PCDHA4: variants seen among roughly 807,000 people sequenced by gnomAD.
PCDHA4 encodes protocadherin alpha-4.
PCDHA4 carries 49 observed loss-of-function variants against 61.4 expected under a neutral mutation model. That is an observed-to-expected ratio of 0.80 (90% CI 0.63 to 1.01). PCDHA4 has a LOEUF of 1.01. PCDHA4 is among the 50% of genes least tolerant of loss of function. The pLI, the probability that PCDHA4 is intolerant of heterozygous loss-of-function variation, is 0.00. For missense variants in PCDHA4, 1,254 were observed against 1,235.8 expected, an observed-to-expected ratio of 1.01 and a Z score of -0.22; for synonymous variants, 590 against 550.3, an observed-to-expected ratio of 1.07 and a Z score of -1.01.
At chr5:140,964,941 G>A (rs1223587543) in intron 1 of PCDHA4, among the ~76,000 whole-genome samples, 1 of 152,242 alleles carries the variant, frequency 6.6e-6, no homozygotes, top group African/African-American at 2.4e-5. Context: ...AGCATTGATA[G>A]TGAGTGTGCT....
chr5:140,873,928 T>C (rs944678136), intron 1 of PCDHA4, among the ~76,000 whole-genome samples: 1 of 152,216 alleles, frequency 6.6e-6, no homozygotes, highest in Non-Finnish European at 1.5e-5. Flanking sequence ...CCCAAAGTGC[T>C]GGGATTACAG....
intron 1 of PCDHA4, chr5:140,829,536 C>G: frequency 6.2e-7 from 1 of 1,613,152 alleles, no homozygotes; most frequent in Non-Finnish European, 8.5e-7. Context: ...GCGCGAGACG[C>G]GGACGCGCAG....
chr5:140,809,252 C>A lies in PCDHA4; in HGVS notation c.2065C>A (p.Pro689Thr), dbSNP rs1314068849. ...SSRALVGAVGPDAALVDVNVY... is the reference protein window; with the variant it reads ...SSRALVGAVGTDAALVDVNVY... ...ACGGGCGTTGGTGGGCGCTGTGGGT[C>A]CCGATGCTGCGCTGGTGGATGTCAA... Residue 689 changes from proline to threonine, a missense_variant, in exon 1 of 4, where the codon CCC (proline) becomes ACC (threonine). Physicochemically the swap from Pro to Thr is conservative, Grantham distance 38. Transcript: ENST00000530339. The A allele has an allele frequency of 1.2e-6, 2 of 1,614,082 alleles. No individual in the cohort carries two copies. The highest frequency in any genetic ancestry group is 1.3e-5 in the African/African-American group (1 of 75,062).
chr5:140,962,389 G>A (rs551530521), intron 1 of PCDHA4, among the ~76,000 whole-genome samples: 3 of 152,170 alleles, frequency 2.0e-5, no homozygotes, highest in African/African-American at 4.8e-5. Context: ...TTAATATTAC[G>A]CAATCTGCCC....
chr5:140,816,987 C>G (rs1766040659), intron 1 of PCDHA4: 2 of 152,022 alleles, frequency 1.3e-5, no homozygotes, highest in Non-Finnish European at 2.9e-5. Context: ...AATTCAGGAA[C>G]TTTGGATGCA....
At chr5:140,976,818 G>A (rs782290955) in intron 1 of PCDHA4, among the ~76,000 whole-genome samples, 5 of 152,208 alleles carry the variant, frequency 3.3e-5, no homozygotes, top group Admixed American at 6.5e-5. Flanking sequence ...ATATGCATGT[G>A]TCTAATGAGC....
chr5:140,870,527 C>T, intron 1 of PCDHA4: 1 of 1,614,236 alleles, frequency 6.2e-7, no homozygotes, highest in Non-Finnish European at 8.5e-7. Context: ...CACATCTTCA[C>T]AGTGTCGGCG....
At chr5:140,849,983 G>A (rs1554143561) in intron 1 of PCDHA4, 6 of 1,597,534 alleles carry the variant, frequency 3.8e-6, no homozygotes, top group Admixed American at 1.7e-5. Context: ...CGCTGGTGGA[G>A]CGGCGGTTGG....
At chr5:140,857,310 A>T in intron 1 of PCDHA4, 1 of 1,598,608 alleles carries the variant, frequency 6.3e-7, no homozygotes, top group Non-Finnish European at 8.6e-7. Flanking sequence ...TCGGCCTATG[A>T]GCTGGTGGTG....
chr5:140,852,579 TTTA>T, intron 1 of PCDHA4: 2 of 849,052 alleles, frequency 2.4e-6, no homozygotes, highest in African/African-American at 1.9e-5. Flanking sequence ...CCAAGGCTTT[TTTA>T]TTTTTTTTTT....
At chr5:140,977,730 T>C (rs1478978176) in intron 1 of PCDHA4, among the ~76,000 whole-genome samples, 1 of 152,226 alleles carries the variant, frequency 6.6e-6, no homozygotes, top group Non-Finnish European at 1.5e-5. Flanking sequence ...ATTTCTCTCC[T>C]GGGTGTTATG....
At chr5:140,959,544 T>C (rs2095494180) in intron 1 of PCDHA4, among the ~76,000 whole-genome samples, 1 of 152,208 alleles carries the variant, frequency 6.6e-6, no homozygotes, top group Non-Finnish European at 1.5e-5. Context: ...AGAGATGCTG[T>C]ATAAATAGAA....
chr5:140,960,417 A>G (rs1340642372), intron 1 of PCDHA4, among the ~76,000 whole-genome samples: 10 of 152,218 alleles, frequency 6.6e-5, no homozygotes, highest in African/African-American at 1.9e-4. Flanking sequence ...CAAAAAGTCA[A>G]CAATTACTTG....
At chr5:140,872,497 C>T (rs1554166232) in intron 1 of PCDHA4, among the ~76,000 whole-genome samples, 1 of 152,150 alleles carries the variant, frequency 6.6e-6, no homozygotes, top group Non-Finnish European at 1.5e-5. Flanking sequence ...CCTAGTGGTG[C>T]ATGCCTGTAG....
intron 1 of PCDHA4, among the ~76,000 whole-genome samples, chr5:140,879,278 T>C (rs2057927174): frequency 6.6e-6 from 1 of 152,180 alleles, no homozygotes; most frequent in Non-Finnish European, 1.5e-5. Flanking sequence ...ACAGACTCAA[T>C]ACAAATGATA....
rs200693140 is a variant in PCDHA4, at chr5:140,850,298, G to A, written c.2385+40726G>A. 1.0e-5 allele frequency: 16 copies of A among 1,596,354 alleles called. 2 individuals are homozygous for A. The South Asian group carries it at 1.3e-4, about 13-fold the overall frequency. On this transcript the variant is annotated intron_variant, in intron 1 of 3. Coordinates refer to ENST00000530339, the MANE Select transcript of PCDHA4 (RefSeq NM_018907.4). Reference sequence around the variant, plus strand: ...AGGTGCGCGCAGTGGACGCCGACTCGGGCTACAACGCGTGGCTTTCATACG... The same window carrying A: ...AGGTGCGCGCAGTGGACGCCGACTCAGGCTACAACGCGTGGCTTTCATACG...
intron 1 of PCDHA4, among the ~76,000 whole-genome samples, chr5:140,954,247 A>T (rs782077145): frequency 2.6e-5 from 4 of 152,196 alleles, no homozygotes; most frequent in Non-Finnish European, 4.4e-5. Context: ...ATGAACATAC[A>T]CATGCAGGTA....
At chr5:140,978,913 T>C in intron 1 of PCDHA4, 36 bp from the exon 2 acceptor site, 1 of 1,613,902 alleles carries the variant, frequency 6.2e-7, no homozygotes, top group Non-Finnish European at 8.5e-7. Flanking sequence ...CATTGTCTTG[T>C]CATTTTAACA....
At chr5:140,871,653 C>A in intron 1 of PCDHA4, 1 of 1,244,246 alleles carries the variant, frequency 8.0e-7, no homozygotes, top group Non-Finnish European at 1.1e-6. Context: ...CCAAATGATA[C>A]ACATCTTCAG....
Sources: allele counts gnomAD v4.1 joint callset (sites outside exome capture counted in the v4.1 genomes callset), GRCh38; gene constraint gnomAD v4.1.1; transcripts MANE v1.5; gene names NCBI Gene and HGNC (gene_info 2026-07-23, HGNC 2026-07-21).